Variants in RGL1 observed in about 807,000 individuals in gnomAD.
The protein encoded by RGL1 is ral guanine nucleotide dissociation stimulator like 1, also known as ral guanine nucleotide dissociation stimulator-like 1.
A neutral mutation model predicts 95.2 loss-of-function variants in RGL1; 24 were observed. The observed-to-expected ratio is 0.25, with a 90% CI of 0.18 to 0.35. The LOEUF is 0.35. Among genes scored for constraint, RGL1 ranks in the 10% least tolerant of loss-of-function variants. The pLI is 1.00. For missense variants in RGL1, 715 were observed against 936.3 expected (o/e 0.76, Z 3.08); for synonymous variants, 329 against 344.9 (o/e 0.95, Z 0.51).
In RGL1 at chr1:183,847,745, T is replaced by C. The variant is rs917116267; in HGVS notation, c.318T>C (p.Thr106=). ...CAACGTACAGAGGCTTTGCCTCCACTAAAGAAGTGCTGGAACTACTGCTGG... is the reference window on the plus strand; with the variant it reads ...CAACGTACAGAGGCTTTGCCTCCACCAAAGAAGTGCTGGAACTACTGCTGG... The part of the protein sequence containing the change: ...FLSTYRGFAS[T]KEVLELLLDR... The change falls in exon 3 of 18, where the codon ACT becomes ACC. Residue 106 remains threonine (T), a synonymous_variant. Transcript: ENST00000360851. 1.2e-6 allele frequency: 2 copies of C among 1,613,916 alleles called. No individual in the cohort carries two copies. The highest frequency in any genetic ancestry group is 1.7e-6 in the Non-Finnish European group (2 of 1,179,910).
chr1:183,805,259 G>A lies in RGL1; in HGVS notation c.-39G>A. 1.9e-6 allele frequency: 3 copies of A among 1,608,436 alleles called. No individual in the cohort carries two copies. Among genetic ancestry groups the A allele is most frequent in the Non-Finnish European group, 2.5e-6 (3 of 1,177,950 alleles). On this transcript the variant is annotated 5_prime_UTR_variant, in exon 1 of 18. Transcript: ENST00000360851. ...CATTGCGTTGGCCTCCGAGCAGGGC[G>A]CATCATGCAGCGTTCGCGCACCGGA... is the stretch of plus-strand genomic sequence containing the variant.
chr1:183,686,890 C>T (rs1653620742), intron 1 of RGL1, among the ~76,000 whole-genome samples: 1 of 152,190 alleles, frequency 6.6e-6, no homozygotes, highest in Admixed American at 6.5e-5. Context: ...TTGATGTCCT[C>T]ACCGCTACCT....
In RGL1 at chr1:183,704,379, G is replaced by GAGTGA. The variant is rs1572300233; in HGVS notation, c.-32-37747_-32-37746insAGTGA. ...TGAATATATGTTGATCTGTTGTCTGGCTGCTAGAGTGAGAGCTTGAGTGAG... is the reference window on the plus strand; with the variant it reads ...TGAATATATGTTGATCTGTTGTCTGGAGTGACTGCTAGAGTGAGAGCTTGAGTGAG... On this transcript the variant is annotated intron_variant, in intron 1 of 18. Transcript: ENST00000304685. Among the ~76,000 whole-genome samples the GAGTGA allele has an allele frequency of 2.6e-5, 4 of 152,302 alleles. No homozygotes were observed. The East Asian group carries it at 7.7e-4, about 29-fold the overall frequency.
In RGL1 at chr1:183,897,842, G is replaced by T; in HGVS notation, c.1175G>T (p.Ser392Ile). 1 of 1,614,090 alleles carries T rather than the reference G, an allele frequency of 6.2e-7. No individual in the cohort carries two copies. Among genetic ancestry groups the T allele is most frequent in the Non-Finnish European group, 8.5e-7 (1 of 1,179,958 alleles). ...TCAAAATTTGCAAACCTGGACAGCAGTGTGAAAGAAAACCAGAAGCGTACC... is the reference window on the plus strand; with the variant it reads ...TCAAAATTTGCAAACCTGGACAGCATTGTGAAAGAAAACCAGAAGCGTACC... ...GTSKFANLDS[S>I]VKENQKRTQR... Residue 392 changes from serine (S) to isoleucine (I), a missense_variant, in exon 10 of 18, where the codon AGT becomes ATT. Transcript: ENST00000360851.
intron 1 of RGL1, among the ~76,000 whole-genome samples, chr1:183,678,393 T>C (rs1449393105): frequency 1.3e-5 from 2 of 152,246 alleles, no homozygotes; most frequent in African/African-American, 4.8e-5. Flanking sequence ...AACTTGAGTT[T>C]ATATCACTTT....
chr1:183,788,878 C>G (rs576328015), intron 2 of RGL1, among the ~76,000 whole-genome samples: 1 of 152,280 alleles, frequency 6.6e-6, no homozygotes, highest in South Asian at 2.1e-4. Flanking sequence ...CTCCCTCTAA[C>G]TCTCCAATTC....
chr1:183,756,205 T>C (rs1658327040), intron 2 of RGL1, among the ~76,000 whole-genome samples: 2 of 151,504 alleles, frequency 1.3e-5, no homozygotes, highest in Non-Finnish European at 2.9e-5. Context: ...TTTTTTTTTT[T>C]CTTTGAGATG....
At chr1:183,800,571 A>G (rs929676248), upstream of RGL1, among the ~76,000 whole-genome samples, 6 of 152,208 alleles carry the variant, frequency 3.9e-5, no homozygotes, top group African/African-American at 1.4e-4. Flanking sequence ...ACAGTACATT[A>G]TTGTTAACTA....
At chr1:183,728,645 A>T (rs1656445424) in intron 1 of RGL1, among the ~76,000 whole-genome samples, 2 of 152,178 alleles carry the variant, frequency 1.3e-5, no homozygotes, top group South Asian at 4.1e-4. Flanking sequence ...AGAAATGTTC[A>T]AGCCATTTCT....
intron 4 of RGL1, among the ~76,000 whole-genome samples, chr1:183,871,953 G>A (rs1666206692): frequency 1.3e-5 from 2 of 151,556 alleles, no homozygotes; most frequent in South Asian, 4.2e-4. Context: ...TTGCCTCACG[G>A]TGATTTCTGA....
intron 1 of RGL1, among the ~76,000 whole-genome samples, chr1:183,734,914 C>T (rs955239471): frequency 2.0e-5 from 3 of 152,202 alleles, no homozygotes; most frequent in East Asian, 1.9e-4. Flanking sequence ...TGTGACCAGA[C>T]GGCTGCACTG....
chr1:183,888,436 G>C (rs1553302182), intron 7 of RGL1, 38 bp from the exon 8 acceptor site: 4 of 1,208,152 alleles, frequency 3.3e-6, no homozygotes, highest in African/African-American at 3.0e-5. Context: ...AATATTGATA[G>C]TTAAATGCCT....
chr1:183,805,961 CTTTTCTTTTCTTTTTTTTTTTTTT>C (rs1661272050), intron 1 of RGL1, among the ~76,000 whole-genome samples: 2 of 43,338 alleles, frequency 4.6e-5, no homozygotes, highest in Non-Finnish European at 8.9e-5. Context: ...TTTTCTTTTT[CTTTTCTTTTCTTTTTTTTTTTTTT>C]TTTTTTTTTT....
intron 2 of RGL1, among the ~76,000 whole-genome samples, chr1:183,750,567 A>G (rs1657926822): frequency 6.6e-6 from 1 of 152,192 alleles, no homozygotes; most frequent in Admixed American, 6.5e-5. Context: ...CTGTCAATTC[A>G]TTAAACTCAT....
chr1:183,802,736 A>G (rs555357352), upstream of RGL1, among the ~76,000 whole-genome samples: 32 of 152,334 alleles, frequency 2.1e-4, no homozygotes, highest in African/African-American at 7.5e-4. Flanking sequence ...CCCATTTACA[A>G]TAGTATCAGA....
intron 1 of RGL1, among the ~76,000 whole-genome samples, chr1:183,736,400 A>G (rs186983635): frequency 3.3e-5 from 5 of 152,194 alleles, no homozygotes; most frequent in Admixed American, 3.3e-4. Context: ...AGATAAGGAC[A>G]CTGAGGCCAA....
chr1:183,636,880 G>A (rs994820005), intron 1 of RGL1, among the ~76,000 whole-genome samples: 1 of 152,182 alleles, frequency 6.6e-6, no homozygotes, highest in Non-Finnish European at 1.5e-5. Context: ...ATATTTGCAG[G>A]ATAAAATTAA....
intron 2 of RGL1, among the ~76,000 whole-genome samples, chr1:183,795,627 C>T (rs1297968537): frequency 6.6e-6 from 1 of 152,072 alleles, no homozygotes; most frequent in Non-Finnish European, 1.5e-5. Flanking sequence ...CTAACCTGGG[C>T]AAGGCCCTGT....
In RGL1 at chr1:183,900,350, C is replaced by G. The variant is rs557298817; in HGVS notation, c.1317+114C>G. 10 of 757,740 alleles carry G rather than the reference C, an allele frequency of 1.3e-5. No homozygotes were observed. In the African/African-American group the frequency reaches 1.7e-4, roughly 13 times the overall value. 46.9% of individuals were successfully genotyped at this position (757,740 alleles called of 1,614,324 possible). ...AGGTCCAAAAGTACATGGCATTGTG[C>G]TAGCTGTTAGGAGGAATACAAAGAA... On this transcript the variant is annotated intron_variant, in intron 11 of 17. Transcript: ENST00000360851.
Sources: gnomAD v4.1 joint callset for allele counts (sites outside exome capture counted in the v4.1 genomes callset) on GRCh38, gnomAD v4.1.1 for gene constraint, MANE v1.5 for transcripts, NCBI Gene and HGNC (gene_info 2026-07-23, HGNC 2026-07-21) for gene names.